MTOR: variants seen among roughly 807,000 people sequenced by gnomAD.
The protein encoded by MTOR is serine/threonine-protein kinase mTOR.
In MTOR, 70 loss-of-function variants were observed where a neutral mutation model predicts 319.8. The observed-to-expected ratio is 0.22, with a 90% CI of 0.18 to 0.27. MTOR has a LOEUF of 0.27. MTOR is among the 10% of genes least tolerant of loss of function. The probability of loss-of-function intolerance (pLI) is 1.00; values close to 1 mark genes in which losing one functional copy is unlikely to be tolerated. For missense variants in MTOR, 1,890 were observed against 3,274.4 expected (o/e 0.58, Z 10.32); for synonymous variants, 1,183 against 1,211.4 (o/e 0.98, Z 0.49).
chr1:11,154,102 A>AAAC, intron 30 of MTOR, among the ~76,000 whole-genome samples: 1 of 135,770 alleles, frequency 7.4e-6, no homozygotes, highest in Non-Finnish European at 1.6e-5. Context: ...AAAAAAAAAA[A>AAAC]AGCCACATGT....
intron 6 of MTOR, among the ~76,000 whole-genome samples, chr1:11,250,934 T>C (rs984736075): frequency 3.3e-5 from 5 of 152,236 alleles, no homozygotes; most frequent in Admixed American, 1.3e-4. Context: ...CAGTTGCTTC[T>C]TGCAACTCCA....
intron 20 of MTOR, 104 bp from the exon 21 acceptor site, chr1:11,213,670 G>T: frequency 2.7e-6 from 3 of 1,117,286 alleles, no homozygotes; most frequent in Non-Finnish European, 2.6e-6. Context: ...AGTGAGCATG[G>T]TCTGCGCCGA....
chr1:11,139,228 T>TA, intron 36 of MTOR, 76 bp downstream of exon 36: 1 of 1,520,190 alleles, frequency 6.6e-7, no homozygotes, highest in Non-Finnish European at 8.8e-7. Flanking sequence ...TTTCTGGCCT[T>TA]AAAGAGGCAG....
chr1:11,116,878 C>T, intron 50 of MTOR, 126 bp downstream of exon 50: 2 of 712,408 alleles, frequency 2.8e-6, no homozygotes, highest in South Asian at 1.9e-5. Flanking sequence ...TAAAAGAGAC[C>T]TTACATATAC....
In MTOR at chr1:11,128,394, T is replaced by C; in HGVS notation, c.5910+60A>G. 1.3e-6 allele frequency: 2 copies of C among 1,553,210 alleles called. No individual in the cohort carries two copies. Among genetic ancestry groups the C allele is most frequent in the Non-Finnish European group, 1.8e-6 (2 of 1,126,420 alleles). On this transcript the variant is annotated intron_variant, in intron 42 of 57. Coordinates refer to ENST00000361445, the MANE Select transcript of MTOR (RefSeq NM_004958.4). The surrounding 1 kb of genome is among the most constrained non-coding windows in gnomAD (Gnocchi z 5.3). The stretch of plus-strand genomic sequence containing the variant: ...GCGCTTGTGTCGCCAGGGCAGCTTT[T>C]GGAAAGGCTGACCACCAAACCAGTG...
intron 29 of MTOR, among the ~76,000 whole-genome samples, chr1:11,165,949 A>T (rs1484645094): frequency 6.6e-6 from 1 of 152,182 alleles, no homozygotes; most frequent in Non-Finnish European, 1.5e-5. Flanking sequence ...ACACATCTAC[A>T]ATCATCTGAT....
chr1:11,216,432 C>T lies in MTOR; in HGVS notation c.3031-198G>A, dbSNP rs547713233. Among the ~76,000 whole-genome samples, 18 of 152,236 alleles carry T rather than the reference C, an allele frequency of 1.2e-4. No individual in the cohort carries two copies. In the East Asian group the frequency reaches 3.5e-3, roughly 29 times the overall value. ...GCTTTGGGAGGCCAAGGCGGGAGGA[C>T]TGCTTGAGGCCAAGATTTCAAGAAC... On this transcript the variant is annotated intron_variant, in intron 19 of 57. Coordinates refer to ENST00000361445, the MANE Select transcript of MTOR (RefSeq NM_004958.4).
chr1:11,136,443 A>C (rs1385364946), intron 36 of MTOR, among the ~76,000 whole-genome samples: 2 of 152,212 alleles, frequency 1.3e-5, no homozygotes, highest in Non-Finnish European at 2.9e-5. Context: ...GAACTACAAT[A>C]GCATCCCACA....
chr1:11,125,689 A>G (rs1413943473), intron 46 of MTOR, among the ~76,000 whole-genome samples: 1 of 146,080 alleles, frequency 6.8e-6, no homozygotes, highest in Non-Finnish European at 1.5e-5. Flanking sequence ...AGAGCACACC[A>G]CCTCACTCCA....
intron 26 of MTOR, among the ~76,000 whole-genome samples, chr1:11,201,803 T>G (rs1027561486): frequency 2.6e-5 from 4 of 152,166 alleles, no homozygotes; most frequent in Admixed American, 2.6e-4. Flanking sequence ...AGAAGTTTTA[T>G]AAACCAAAAA....
chr1:11,193,820 A>G (rs1275960633), intron 28 of MTOR: 1 of 1,591,796 alleles, frequency 6.3e-7, no homozygotes, highest in Non-Finnish European at 8.6e-7. Context: ...GTGCCACCAC[A>G]CATGACCGCG....
intron 6 of MTOR, 55 bp from the exon 7 acceptor site, chr1:11,248,149 G>T: frequency 2.0e-6 from 3 of 1,506,078 alleles, no homozygotes; most frequent in Non-Finnish European, 2.7e-6. Flanking sequence ...CATTCAAACT[G>T]GGCACTGTGG....
At position 11,206,105 on chromosome 1, in the gene MTOR, A is replaced by AGAGG. The variant is rs372135379; in HGVS notation, c.3802-1406_3802-1403dup. Among the ~76,000 whole-genome samples the AGAGG allele has an allele frequency of 1.3e-3, 196 of 152,366 alleles. 1 individual carries two copies. Among genetic ancestry groups the AGAGG allele is most frequent in the South Asian group, 5.2e-3 (25 of 4,834 alleles). ...AACGAGAACCTCTGAATGAGAAGGA[A>AGAGG]GAGGGAGACTAGATACCAAAGACTG... On this transcript the variant is annotated intron_variant, in intron 25 of 57. Transcript: ENST00000361445.
chr1:11,154,068 C>CAAAAAAAAAAAAAAAAA (rs70977548), intron 30 of MTOR, among the ~76,000 whole-genome samples: 1 of 13,066 alleles, frequency 7.7e-5, no homozygotes, highest in Non-Finnish European at 1.4e-4. Context: ...GACTCTGTCT[C>CAAAAAAAAAAAAAAAAA]AAAAAAAAAA....
At chr1:11,158,254 T>A (rs1644376388) in intron 29 of MTOR, among the ~76,000 whole-genome samples, 1 of 152,196 alleles carries the variant, frequency 6.6e-6, no homozygotes, top group South Asian at 2.1e-4. Context: ...CAGTGAAATT[T>A]GTATGATATA....
chr1:11,224,486 T>C (rs11121701), intron 19 of MTOR, among the ~76,000 whole-genome samples: 9,019 of 152,240 alleles, frequency 0.059, 377 homozygotes, highest in South Asian at 0.12. Context: ...GAGATTTTTG[T>C]CTCACTTCTC....
chr1:11,204,422 G>A (rs1317640562), intron 26 of MTOR, 139 bp downstream of exon 26: 36 of 1,198,402 alleles, frequency 3.0e-5, no homozygotes, highest in Non-Finnish European at 4.0e-5. Flanking sequence ...TGTTGAATTT[G>A]TCTTTCTCTT....
intron 19 of MTOR, among the ~76,000 whole-genome samples, chr1:11,224,085 A>G (rs1557444336): frequency 6.6e-6 from 1 of 151,450 alleles, no homozygotes; most frequent in Non-Finnish European, 1.5e-5. Flanking sequence ...AAATAAAATA[A>G]ATAGGCCAAA....
At chr1:11,259,677 T>C (rs1650861564) in intron 1 of MTOR, among the ~76,000 whole-genome samples, 1 of 152,194 alleles carries the variant, frequency 6.6e-6, no homozygotes. Flanking sequence ...TTTGAATCCT[T>C]GGGTTATATA....
Sources: gnomAD v4.1 joint callset for allele counts (sites outside exome capture counted in the v4.1 genomes callset) on GRCh38, gnomAD v4.1.1 for gene constraint, Gnocchi (gnomAD v3.1) non-coding constraint, MANE v1.5 for transcripts, NCBI Gene and HGNC (gene_info 2026-07-23, HGNC 2026-07-21) for gene names.